The following TBC1D4 variants were observed in gnomAD, a reference collection of about 807,000 sequenced individuals.
The protein encoded by TBC1D4 is TBC (Tre-2, BUB2, CDC16) domain-containing protein.
TBC1D4 carries 121 observed loss-of-function variants against 142.5 expected under a neutral mutation model. The observed-to-expected ratio is 0.85, with a 90% CI of 0.73 to 0.99. The LOEUF (loss-of-function observed/expected upper bound fraction) is 0.99. Ranked by LOEUF, TBC1D4 falls within the 50% of genes least tolerant of loss-of-function variation. The probability of loss-of-function intolerance (pLI) is 0.00; values close to 1 mark genes in which losing one functional copy is unlikely to be tolerated. For missense variants in TBC1D4, 1,475 were observed against 1,606.6 expected, an observed-to-expected ratio of 0.92 and a Z score of 1.40; for synonymous variants, 630 against 628.2, an observed-to-expected ratio of 1.00 and a Z score of -0.04.
chr13:75,450,748 G>A (rs964472362), intron 1 of TBC1D4, among the ~76,000 whole-genome samples: 2 of 152,148 alleles, frequency 1.3e-5, no homozygotes, highest in Non-Finnish European at 2.9e-5. Flanking sequence ...CCTCCCCAAA[G>A]GTCAGGCTGA....
chr13:75,317,073 A>T (rs1461920176), intron 12 of TBC1D4, among the ~76,000 whole-genome samples: 1 of 152,128 alleles, frequency 6.6e-6, no homozygotes, highest in African/African-American at 2.4e-5. Flanking sequence ...TGCAATACTG[A>T]AGTAGAAAGA....
chr13:75,356,306 T>C, intron 3 of TBC1D4, 55 bp from the exon 4 acceptor site: 1 of 1,250,458 alleles, frequency 8.0e-7, no homozygotes, highest in South Asian at 1.2e-5. Flanking sequence ...TATTTTTTAC[T>C]CAACAATATG....
At chr13:75,424,367 C>A (rs371537041) in intron 1 of TBC1D4, among the ~76,000 whole-genome samples, 3 of 151,226 alleles carry the variant, frequency 2.0e-5, no homozygotes, top group Non-Finnish European at 4.4e-5. Context: ...AATTCAAAAT[C>A]TTTTATTAAT....
chr13:75,323,296 T>G (rs1593726284), intron 11 of TBC1D4, among the ~76,000 whole-genome samples: 1 of 151,984 alleles, frequency 6.6e-6, no homozygotes, highest in African/African-American at 2.4e-5. Context: ...GGATAAAATG[T>G]AATGTATGAA....
At chr13:75,297,832 A>C (rs1462468008) in intron 17 of TBC1D4, among the ~76,000 whole-genome samples, 1 of 152,084 alleles carries the variant, frequency 6.6e-6, no homozygotes, top group Non-Finnish European at 1.5e-5. Context: ...AACTTTCCAC[A>C]GTTGTTATTT....
At chr13:75,299,149 C>T (rs961901558) in intron 17 of TBC1D4, among the ~76,000 whole-genome samples, 181 bp downstream of exon 17, 16 of 152,220 alleles carry the variant, frequency 1.1e-4, no homozygotes, top group African/African-American at 3.6e-4. Flanking sequence ...GTCTCATACA[C>T]TTAGAAGTTT....
At chr13:75,312,661 T>A in intron 13 of TBC1D4, 77 bp downstream of exon 13, 1 of 1,577,100 alleles carries the variant, frequency 6.3e-7, no homozygotes, top group Non-Finnish European at 8.7e-7. Context: ...TAAATCTCTT[T>A]ATACACAGCA....
intron 1 of TBC1D4, among the ~76,000 whole-genome samples, chr13:75,464,683 C>T (rs1203537547): frequency 6.6e-6 from 1 of 152,196 alleles, no homozygotes; most frequent in Admixed American, 6.5e-5. Flanking sequence ...CGGCACCTGG[C>T]AAATGCCCTT....
At chr13:75,336,857 ACTGAAG>A in intron 8 of TBC1D4, 58 bp downstream of exon 8, 1 of 1,598,054 alleles carries the variant, frequency 6.3e-7, no homozygotes, top group Non-Finnish European at 8.6e-7. Context: ...GCCTGTTGAG[ACTGAAG>A]CTAAACTGTT....
At chr13:75,349,004 C>G (rs907520243) in intron 5 of TBC1D4, among the ~76,000 whole-genome samples, 166 bp downstream of exon 5, 1 of 146,148 alleles carries the variant, frequency 6.8e-6, no homozygotes, top group Non-Finnish European at 1.5e-5. Context: ...TGTCAAGCAC[C>G]TAGCAGAGAT....
At position 75,286,437 on chromosome 13, in the gene TBC1D4, T is replaced by C. The variant is rs1385107257; in HGVS notation, c.*355A>G. 1.1e-5 allele frequency: 2 copies of C among 187,984 alleles called. No homozygotes were observed. Among genetic ancestry groups the C allele is most frequent in the Non-Finnish European group, 1.1e-5 (1 of 89,644 alleles). 11.6% of individuals were successfully genotyped at this position (187,984 alleles called of 1,614,324 possible). On this transcript the variant is annotated 3_prime_UTR_variant, in exon 21 of 21. Transcript: ENST00000377636. ...TATAAAGACAAAAAGATTTCACATATGTCCAAGGGAAATTTCAGTTTACCT... is the reference window on the plus strand; with the variant it reads ...TATAAAGACAAAAAGATTTCACATACGTCCAAGGGAAATTTCAGTTTACCT...
Position 75,312,452 on chromosome 13 carries a change from A to AAAGAAAGAAAGAAAGAAAGAAAG in TBC1D4, c.2383+285_2383+286insCTTTCTTTCTTTCTTTCTTTCTT, listed in dbSNP as rs1566366375. Among the ~76,000 whole-genome samples the AAAGAAAGAAAGAAAGAAAGAAAG allele has an allele frequency of 7.5e-5, 8 of 106,324 alleles. 1 individual carries two copies. Among genetic ancestry groups the AAAGAAAGAAAGAAAGAAAGAAAG allele is most frequent in the African/African-American group, 2.4e-4 (8 of 32,726 alleles). The allele number at this position is 106,324 out of a possible 152,430, so 69.8% of individuals were successfully genotyped here. A position where few individuals can be genotyped will look rare whatever the true frequency, so the allele number is the denominator to read the frequency against. ...AGAAAGAAAGAAAGAAAGAAAGAAA[A>AAAGAAAGAAAGAAAGAAAGAAAG]AGGACATACAGCTTCTTTCCTAGCA... On this transcript the variant is annotated intron_variant, in intron 13 of 20. Transcript: ENST00000377636.
intron 19 of TBC1D4, among the ~76,000 whole-genome samples, chr13:75,290,637 T>C (rs1017733023): frequency 6.6e-6 from 1 of 152,206 alleles, no homozygotes; most frequent in East Asian, 1.9e-4. Flanking sequence ...AAACTATTTA[T>C]AGATATTTGT....
chr13:75,361,528 C>A (rs1399073341), intron 2 of TBC1D4, among the ~76,000 whole-genome samples: 1 of 152,078 alleles, frequency 6.6e-6, no homozygotes, highest in Non-Finnish European at 1.5e-5. Flanking sequence ...TACAGGCACG[C>A]CCCCACCACA....
At chr13:75,294,733 T>A in intron 18 of TBC1D4, 121 bp downstream of exon 18, 2 of 1,022,214 alleles carry the variant, frequency 2.0e-6, no homozygotes. Flanking sequence ...TTAAATTCCA[T>A]TAGCAATTTG....
At chr13:75,289,707 GCA>G (rs1330397472) in intron 19 of TBC1D4, among the ~76,000 whole-genome samples, 1 of 152,092 alleles carries the variant, frequency 6.6e-6, no homozygotes, top group Non-Finnish European at 1.5e-5. Flanking sequence ...CCTCAAAATT[GCA>G]CACTGTGAGC....
chr13:75,464,312 G>C (rs1888084823), intron 1 of TBC1D4, among the ~76,000 whole-genome samples: 2 of 152,196 alleles, frequency 1.3e-5, no homozygotes, highest in South Asian at 4.1e-4. Context: ...ACCGGAACGA[G>C]GGCAAGGAAC....
At chr13:75,298,913 G>A (rs1420284397) in intron 17 of TBC1D4, among the ~76,000 whole-genome samples, 1 of 152,162 alleles carries the variant, frequency 6.6e-6, no homozygotes, top group African/African-American at 2.4e-5. Context: ...TCTGCTATTT[G>A]TGTACTCAAA....
chr13:75,447,970 T>C (rs1361370140), intron 1 of TBC1D4, among the ~76,000 whole-genome samples: 1 of 152,170 alleles, frequency 6.6e-6, no homozygotes, highest in Non-Finnish European at 1.5e-5. Context: ...TATTCCATTA[T>C]ATATTAAAAT....
Sources: gnomAD v4.1 joint callset for allele counts (sites outside exome capture counted in the v4.1 genomes callset) on GRCh38, gnomAD v4.1.1 for gene constraint, MANE v1.5 for transcripts, NCBI Gene and HGNC (gene_info 2026-07-23, HGNC 2026-07-21) for gene names.